Variants in METTL25 observed in about 807,000 individuals in gnomAD.
METTL25 encodes the protein probable methyltransferase-like protein 25.
A neutral mutation model predicts 71.6 loss-of-function variants in METTL25; 64 were observed. The ratio of observed to expected loss-of-function variants is 0.89; its 90% CI spans 0.73 to 1.10. The LOEUF (loss-of-function observed/expected upper bound fraction) is 1.10. Ranked by LOEUF, METTL25 falls within the 50% of genes least tolerant of loss-of-function variation. The pLI is 0.00. For synonymous variants in METTL25, 287 were observed against 250.3 expected (o/e 1.15, Z -1.38); for missense variants, 807 against 707.0 (o/e 1.14, Z -1.60).
intron 5 of METTL25, among the ~76,000 whole-genome samples, chr12:82,426,298 C>T (rs959613425): frequency 6.6e-6 from 1 of 152,032 alleles, no homozygotes; most frequent in Admixed American, 6.6e-5. Flanking sequence ...ATCTCAGCCG[C>T]AAAGGAAACT....
chr12:82,472,239 G>A (rs921525701), intron 9 of METTL25, among the ~76,000 whole-genome samples: 2 of 152,166 alleles, frequency 1.3e-5, no homozygotes, highest in African/African-American at 4.8e-5. Context: ...GAAACTCTTA[G>A]TGGTTGTCTA....
At chr12:82,443,832 T>TC (rs1346431794) in intron 8 of METTL25, among the ~76,000 whole-genome samples, 1 of 147,840 alleles carries the variant, frequency 6.8e-6, no homozygotes, top group African/African-American at 2.5e-5. Context: ...TCACTCACTG[T>TC]CCCCCAACCC....
intron 9 of METTL25, among the ~76,000 whole-genome samples, chr12:82,463,156 A>T (rs1404359579): frequency 9.9e-5 from 15 of 152,006 alleles, no homozygotes; most frequent in Admixed American, 9.2e-4. Flanking sequence ...AATGCTATAG[A>T]CCACTAGAAC....
At chr12:82,361,952 G>A (rs1444588961) in intron 1 of METTL25, among the ~76,000 whole-genome samples, 2 of 152,236 alleles carry the variant, frequency 1.3e-5, no homozygotes, top group Non-Finnish European at 2.9e-5. Flanking sequence ...AGTGAGGGCT[G>A]CCGGCACGCT....
intron 1 of METTL25, among the ~76,000 whole-genome samples, chr12:82,372,637 G>A (rs1484086886): frequency 6.6e-6 from 1 of 152,138 alleles, no homozygotes; most frequent in Non-Finnish European, 1.5e-5. Flanking sequence ...TTGGGGCCAG[G>A]CCATAGTGCA....
At chr12:82,371,691 A>T (rs187900770) in intron 1 of METTL25, among the ~76,000 whole-genome samples, 1 of 152,142 alleles carries the variant, frequency 6.6e-6, no homozygotes, top group East Asian at 1.9e-4. Flanking sequence ...CTTTCTCCTG[A>T]TATCTGTGGC....
At position 82,430,932 on chromosome 12, in the gene METTL25, AT is replaced by A; in HGVS notation, c.1322del (p.Leu441Ter). The A allele has an allele frequency of 6.2e-7, 1 of 1,602,758 alleles. No individual in the cohort carries two copies. Among genetic ancestry groups the A allele is most frequent in the East Asian group, 2.2e-5 (1 of 44,456 alleles). On this transcript the variant is annotated frameshift_variant, in exon 6 of 12. Transcript: ENST00000248306. LOFTEE classifies it high-confidence loss of function. ...AAGTGGGGATTTCCAATGTGCCACTATTTAAAGGAAGAGAGATGGTGCTGTG... is the reference window on the plus strand; with the variant it reads ...AAGTGGGGATTTCCAATGTGCCACTATTAAAGGAAGAGAGATGGTGCTGTG... Reference protein sequence around the residue: ...QEKWGFPMCHYLKEERWCCGR... With the variant: ...QEKWGFPMCHXLKEERWCCGR...
intron 6 of METTL25, among the ~76,000 whole-genome samples, chr12:82,431,228 A>G (rs946720730): frequency 6.6e-6 from 1 of 151,384 alleles, no homozygotes; most frequent in Non-Finnish European, 1.5e-5. Flanking sequence ...AAAGTGTTCA[A>G]TACTTTATCC....
intron 5 of METTL25, among the ~76,000 whole-genome samples, chr12:82,424,706 T>C (rs529032404): frequency 1.3e-5 from 2 of 152,040 alleles, no homozygotes; most frequent in East Asian, 3.9e-4. Flanking sequence ...ATCTGAAAAC[T>C]GGGTATTTGC....
At position 82,471,268 on chromosome 12, in the gene METTL25, G is replaced by T. The variant is rs1211204475; in HGVS notation, c.1573-5376G>T. The stretch of plus-strand genomic sequence containing the variant: ...TGAAAAGACTTGGCTAGATTAGTCT[G>T]CATTCCTGTGTGGTCAGGGCCCCAC... On this transcript the variant is annotated intron_variant, in intron 9 of 11. Transcript: ENST00000248306. Among the ~76,000 whole-genome samples, 3 of 152,200 alleles carry T rather than the reference G, an allele frequency of 2.0e-5. No homozygotes were observed. The East Asian group carries it at 5.8e-4, about 29-fold the overall frequency.
intron 9 of METTL25, among the ~76,000 whole-genome samples, chr12:82,465,465 G>C (rs955297624): frequency 6.6e-6 from 1 of 151,800 alleles, no homozygotes; most frequent in African/African-American, 2.4e-5. Context: ...CTTTCATAGT[G>C]TGTTATCTTT....
Position 82,456,838 on chromosome 12 carries a change from C to T in METTL25, c.1572+18C>T. 1.7e-6 allele frequency: 2 copies of T among 1,176,840 alleles called. No individual in the cohort carries two copies. Among genetic ancestry groups the T allele is most frequent in the South Asian group, 1.8e-5 (1 of 56,750 alleles). The allele number at this position is 1,176,840 out of a possible 1,614,324, so 72.9% of individuals were successfully genotyped here. ...AGTCCAAGGTCAGTATATGATGACT[C>T]ATTATTTTCAGAAAAGACAGAAGAA... On this transcript the variant is annotated intron_variant, in intron 9 of 11. Transcript: ENST00000248306.
At chr12:82,412,526 C>T (rs1887630739) in intron 5 of METTL25, among the ~76,000 whole-genome samples, 1 of 152,098 alleles carries the variant, frequency 6.6e-6, no homozygotes, top group Admixed American at 6.6e-5. Context: ...TCAGCTCCCT[C>T]TGGACCCAGT....
rs184129673 is a variant in METTL25 at position 82,453,030 on chromosome 12, G to C, written c.1479-3697G>C. Among the ~76,000 whole-genome samples, 547 of 152,176 alleles carry C rather than the reference G, an allele frequency of 3.6e-3. 4 individuals carry two copies. The highest frequency in any genetic ancestry group is 0.012 in the African/African-American group (516 of 41,520). On this transcript the variant is annotated intron_variant, in intron 8 of 11. Coordinates refer to ENST00000248306, the MANE Select transcript of METTL25 (RefSeq NM_032230.3). ...CATTTAAATAAATGTTTTTTAAAAT[G>C]AATGAATAAGCAACCTAATTAACAT...
intron 8 of METTL25, among the ~76,000 whole-genome samples, chr12:82,443,242 A>C (rs1565869806): frequency 6.6e-6 from 1 of 152,028 alleles, no homozygotes; most frequent in Non-Finnish European, 1.5e-5. Context: ...GTAAGAGTAA[A>C]ATTGCTGAAA....
intron 1 of METTL25, among the ~76,000 whole-genome samples, chr12:82,364,246 T>C (rs1157684327): frequency 2.0e-5 from 3 of 152,224 alleles, no homozygotes; most frequent in African/African-American, 7.2e-5. Flanking sequence ...AATATTTGCC[T>C]CTGTGATTAT....
chr12:82,381,440 C>T (rs1335321739), intron 1 of METTL25, among the ~76,000 whole-genome samples: 1 of 152,036 alleles, frequency 6.6e-6, no homozygotes, highest in Non-Finnish European at 1.5e-5. Context: ...AATTTTATTC[C>T]TTCTAAGAGC....
chr12:82,426,323 A>G (rs949605474), intron 5 of METTL25, among the ~76,000 whole-genome samples: 12 of 152,062 alleles, frequency 7.9e-5, no homozygotes, highest in Admixed American at 7.9e-4. Context: ...ACGCAGATTC[A>G]GAAAACTTCA....
At chr12:82,399,489 C>A in intron 4 of METTL25, 95 bp downstream of exon 4, 2 of 979,128 alleles carry the variant, frequency 2.0e-6, no homozygotes, top group Non-Finnish European at 3.0e-6. Flanking sequence ...TACTTGATCA[C>A]ATTAATCTAA....
Sources: gnomAD v4.1 joint callset for allele counts (sites outside exome capture counted in the v4.1 genomes callset) on GRCh38, gnomAD v4.1.1 for gene constraint, MANE v1.5 for transcripts, NCBI Gene and HGNC (gene_info 2026-07-23, HGNC 2026-07-21) for gene names.